FMNL3: variants seen among roughly 807,000 people sequenced by gnomAD.
FMNL3 encodes formin like 3.
A neutral mutation model predicts 119.6 loss-of-function variants in FMNL3; 57 were observed. The observed-to-expected ratio is 0.48, with a 90% confidence interval of 0.39 to 0.59. The LOEUF is 0.59. FMNL3 is among the 20% of genes least tolerant of loss of function. The probability of loss-of-function intolerance (pLI) is 0.00; values close to 1 mark genes in which losing one functional copy is unlikely to be tolerated. For synonymous variants in FMNL3, 491 were observed against 507.3 expected (o/e 0.97, Z 0.43); for missense variants, 1,053 against 1,323.5 (o/e 0.80, Z 3.17).
chr12:49,650,822 G>A lies in FMNL3; in HGVS notation c.1854C>T (p.Ala618=), dbSNP rs565406414. Residue 618 remains alanine, a synonymous_variant, in exon 17 of 26, where the codon GCC becomes GCT. Coordinates refer to ENST00000335154, the MANE Select transcript of FMNL3 (RefSeq NM_175736.5). The part of the protein sequence containing the change: ...ELFKTKAQGP[A]LDLICSKNKT... ...TGTTTTTGGAGCAGATGAGGTCAAG[G>A]GCAGGGCCCTGCGCTTTTGTCTTGA... is the stretch of plus-strand genomic sequence containing the variant. 13 of 1,614,184 alleles carry A rather than the reference G, an allele frequency of 8.1e-6. No homozygotes were observed. The highest frequency in any genetic ancestry group is 3.3e-4 in the Middle Eastern group (2 of 6,060).
intron 1 of FMNL3, among the ~76,000 whole-genome samples, chr12:49,674,675 C>G (rs867143371): frequency 2.0e-5 from 3 of 152,352 alleles, no homozygotes; most frequent in Middle Eastern, 6.8e-3. Flanking sequence ...TATCTTAGAT[C>G]TGCCTTGCAG....
rs942445148 is a variant in FMNL3, at chr12:49,647,994, G to T, written c.2677-190C>A. Among the ~76,000 whole-genome samples the T allele has an allele frequency of 6.6e-6, 1 of 152,032 alleles. No homozygotes were observed. The highest frequency in any genetic ancestry group is 2.4e-5 in the African/African-American group (1 of 41,388). On this transcript the variant is annotated intron_variant, in intron 22 of 25. Transcript: ENST00000335154. The surrounding 1 kb of genome is among the most constrained non-coding windows in gnomAD (Gnocchi z 4.9). ...TGAGTATGAGTCTCCAGAGGCAGCTGCCTGGCACTCCCAAAGCGCTCTCTC... is the reference window on the plus strand; with the variant it reads ...TGAGTATGAGTCTCCAGAGGCAGCTTCCTGGCACTCCCAAAGCGCTCTCTC...
chr12:49,662,109 G>T, intron 4 of FMNL3, 60 bp from the exon 5 acceptor site: 2 of 1,508,814 alleles, frequency 1.3e-6, no homozygotes, highest in South Asian at 1.1e-5. Flanking sequence ...GGATGAGGGG[G>T]GTGACATGCC....
rs930907691 is a variant in FMNL3, at chr12:49,652,005, G to C, written c.1531C>G (p.Pro511Ala). Residue 511 changes from proline to alanine, a missense_variant, in exon 14 of 26, where the codon CCC becomes GCC. This residue lies in a region of FMNL3 where 445 missense variants were observed against 628.4 expected (regional missense o/e 0.71). Coordinates refer to ENST00000335154, the MANE Select transcript of FMNL3 (RefSeq NM_175736.5). ...GGAAGAGGCAGGACCTCCTCAGGGG[G>C]TGGGGCTGGAGCCAGAAGGTCCAGG... ...SDLDLLAPAP[P>A]PEEVLPLPPP... 1.9e-6 allele frequency: 3 copies of C among 1,606,874 alleles called. No homozygotes were observed. The highest frequency in any genetic ancestry group is 2.5e-6 in the Non-Finnish European group (3 of 1,176,726).
Position 49,639,536 on chromosome 12 carries a change from A to G in FMNL3, c.*6279T>C, listed in dbSNP as rs1359191366. 6.6e-6 allele frequency: 1 copy of G among 152,250 alleles called. No individual in the cohort carries two copies. Among genetic ancestry groups the G allele is most frequent in the African/African-American group, 2.4e-5 (1 of 41,444 alleles). The allele number at this position is 152,250 out of a possible 1,614,324, so 9.4% of individuals were successfully genotyped here. A position where few individuals can be genotyped will look rare whatever the true frequency, so the allele number is the denominator to read the frequency against. On this transcript the variant is annotated 3_prime_UTR_variant, in exon 26 of 26. Coordinates refer to ENST00000335154, the MANE Select transcript of FMNL3 (RefSeq NM_175736.5). Reference sequence around the variant, plus strand: ...TTCTTCTGAGACACTCTGGGTTTCTATGTAGGTGCCTTGAGACAAGCAAGG... The same window carrying G: ...TTCTTCTGAGACACTCTGGGTTTCTGTGTAGGTGCCTTGAGACAAGCAAGG...
intron 5 of FMNL3, among the ~76,000 whole-genome samples, chr12:49,661,187 A>T (rs1470709702): frequency 6.6e-6 from 1 of 152,242 alleles, no homozygotes; most frequent in Non-Finnish European, 1.5e-5. Flanking sequence ...TAATAATGAA[A>T]TTAACAATAG....
chr12:49,665,133 G>A (rs960260689), intron 4 of FMNL3, among the ~76,000 whole-genome samples: 1 of 151,336 alleles, frequency 6.6e-6, no homozygotes, highest in African/African-American at 2.4e-5. Flanking sequence ...GCTGATTACA[G>A]TTTCGTAACA....
In FMNL3 at chr12:49,658,539, A is replaced by G; in HGVS notation, c.508T>C (p.Ser170Pro). 5.0e-6 allele frequency: 8 copies of G among 1,613,496 alleles called. No homozygotes were observed. Among genetic ancestry groups the G allele is most frequent in the Non-Finnish European group, 6.8e-6 (8 of 1,179,666 alleles). ...GDDGAFDKLR[S>P]WSRSIEDLQP... ...AGGTCCTCGATTGACCTGCTCCAGGACCGGAGTTTGTCAAATGCACCATCG... is the reference window on the plus strand; with the variant it reads ...AGGTCCTCGATTGACCTGCTCCAGGGCCGGAGTTTGTCAAATGCACCATCG... The change falls in exon 6 of 26, where the codon TCC (serine) becomes CCC (proline). Residue 170 changes from serine (S) to proline (P), a missense_variant. Around this residue, in one of 4 missense-constraint regions of FMNL3, gnomAD observed 264 missense variants for 265.5 expected, o/e 0.99. Coordinates refer to ENST00000335154, the MANE Select transcript of FMNL3 (RefSeq NM_175736.5).
At chr12:49,669,627 T>G (rs1233684270) in intron 1 of FMNL3, among the ~76,000 whole-genome samples, 4 of 152,016 alleles carry the variant, frequency 2.6e-5, no homozygotes, top group African/African-American at 7.3e-5. Context: ...AGGCCAGGTG[T>G]TCAAGACCAA....
Position 49,649,461 on chromosome 12 carries a change from T to A in FMNL3, c.2304+9A>T, listed in dbSNP as rs747258643. On this transcript the variant is annotated intron_variant, in intron 19 of 25. Coordinates refer to ENST00000335154, the MANE Select transcript of FMNL3 (RefSeq NM_175736.5). This position sits in a 1 kb window ranked among gnomAD's most constrained non-coding sequence, Gnocchi z 5.6. ...ACCCCCAGCACCCCTGTTCACAACC[T>A]CTTCCCACCTCCAACATCTGCTTCA... The A allele has an allele frequency of 6.2e-7, 1 of 1,614,028 alleles. No homozygotes were observed. Among genetic ancestry groups the A allele is most frequent in the Non-Finnish European group, 8.5e-7 (1 of 1,180,012 alleles).
At position 49,647,710 on chromosome 12, in the gene FMNL3, G is replaced by A. The variant is rs922887111; in HGVS notation, c.2771C>T (p.Ser924Phe). The change falls in exon 23 of 26, where the codon TCT (serine) becomes TTT (phenylalanine). Residue 924 changes from serine to phenylalanine, a missense_variant. Ser to Phe is a radical substitution (Grantham distance 155, BLOSUM62 -2). Transcript: ENST00000335154. The surrounding 1 kb of genome is among the most constrained non-coding windows in gnomAD (Gnocchi z 4.9). ...AAGCTCTCTGCAGCTTACCTTGTAAGAACGAATGAATCGGACAAATACTGG... is the reference window on the plus strand; with the variant it reads ...AAGCTCTCTGCAGCTTACCTTGTAAAAACGAATGAATCGGACAAATACTGG... ...FFPVFVRFIR[S>F]YKEAEQENEA... 2 of 1,613,844 alleles carry A rather than the reference G, an allele frequency of 1.2e-6. No individual in the cohort carries two copies. Among genetic ancestry groups the A allele is most frequent in the South Asian group, 2.2e-5 (2 of 91,080 alleles).
chr12:49,662,209 T>C (rs145071674), intron 4 of FMNL3, among the ~76,000 whole-genome samples, 160 bp from the exon 5 acceptor site: 42 of 152,332 alleles, frequency 2.8e-4, no homozygotes, highest in Non-Finnish European at 4.3e-4. Context: ...TCCACGGTCA[T>C]GGACTTCCCC....
In FMNL3 at chr12:49,642,879, C is replaced by T. The variant is rs758687178; in HGVS notation, c.*2936G>A. ...CAGATTTTAGGAAGTAGGATCCTTC[C>T]TGGGGCTAAGTCTGGTGCTGTCCTC... On this transcript the variant is annotated 3_prime_UTR_variant, in exon 26 of 26. Coordinates refer to ENST00000335154, the MANE Select transcript of FMNL3 (RefSeq NM_175736.5). The surrounding 1 kb of genome is among the most constrained non-coding windows in gnomAD (Gnocchi z 5.8). 1.0e-5 allele frequency: 16 copies of T among 1,566,674 alleles called. No homozygotes were observed. The South Asian group carries it at 1.7e-4, about 17-fold the overall frequency.
At chr12:49,651,809 A>G in intron 14 of FMNL3, 124 bp downstream of exon 14, 1 of 1,431,192 alleles carries the variant, frequency 7.0e-7, no homozygotes, top group Non-Finnish European at 9.2e-7. Context: ...CTGATTTTAT[A>G]TCCCTCCAAG....
chr12:49,686,578 CAAAAA>C (rs746062262), intron 1 of FMNL3, among the ~76,000 whole-genome samples: 1 of 61,898 alleles, frequency 1.6e-5, no homozygotes, highest in Non-Finnish European at 3.6e-5. Context: ...ACTTCATCTC[CAAAAA>C]AAAAAAAAAA....
chr12:49,700,305 T>A (rs989198825), intron 1 of FMNL3, among the ~76,000 whole-genome samples: 2 of 140,788 alleles, frequency 1.4e-5, no homozygotes, highest in African/African-American at 5.5e-5. Context: ...GGCAGAAGAA[T>A]GGTGTGAACC....
chr12:49,652,471 C>T (rs1266874578), intron 13 of FMNL3, among the ~76,000 whole-genome samples: 1 of 152,178 alleles, frequency 6.6e-6, no homozygotes, highest in South Asian at 2.1e-4. Context: ...GCATGGGCCC[C>T]TCAAAGCCCA....
In FMNL3 at chr12:49,650,742, T is replaced by C. The variant is rs1470060900; in HGVS notation, c.1934A>G (p.Lys645Arg). The change falls in exon 17 of 26, where the codon AAG (lysine) becomes AGG (arginine). Residue 645 changes from lysine to arginine, a missense_variant. Coordinates refer to ENST00000335154, the MANE Select transcript of FMNL3 (RefSeq NM_175736.5). ...KVTLLEANRA[K>R]NLAITLRKAG... ...CTTGCGTAGGGTGATGGCCAGGTTC[T>C]TGGCACGATTGGCTTCCAACAGAGT... 3.1e-6 allele frequency: 5 copies of C among 1,614,118 alleles called. No individual in the cohort carries two copies. In the South Asian group the frequency reaches 5.5e-5, roughly 18 times the overall value.
chr12:49,647,226 C>T lies in FMNL3; in HGVS notation c.2871+50G>A, dbSNP rs747200127. On this transcript the variant is annotated intron_variant, in intron 24 of 25. Transcript: ENST00000335154. The surrounding 1 kb of genome is among the most constrained non-coding windows in gnomAD (Gnocchi z 4.9). ...CTCTAGCCTTCTGACCCCCAGCCCC[C>T]ACTCTTTTGCCTTGTCGTCCTCCAG... 3 of 1,605,314 alleles carry T rather than the reference C, an allele frequency of 1.9e-6. No homozygotes were observed. The highest frequency in any genetic ancestry group is 1.3e-5 in the African/African-American group (1 of 74,722).
Sources: gnomAD v4.1 joint callset for allele counts (sites outside exome capture counted in the v4.1 genomes callset) on GRCh38, gnomAD v4.1.1 for gene constraint, gnomAD v4.1.1 regional missense constraint, Gnocchi (gnomAD v3.1) non-coding constraint, MANE v1.5 for transcripts, NCBI Gene and HGNC (gene_info 2026-07-23, HGNC 2026-07-21) for gene names.